The following WASL variants were observed in gnomAD, a reference collection of about 807,000 sequenced individuals.
WASL encodes the protein actin nucleation-promoting factor WASL.
A neutral mutation model predicts 55.5 loss-of-function variants in WASL; 20 were observed. The observed-to-expected ratio is 0.36, with a 90% CI of 0.25 to 0.52. WASL has a LOEUF of 0.52. WASL is among the 20% of genes least tolerant of loss of function. WASL has a pLI of 0.92. For missense variants in WASL, 504 were observed against 622.5 expected, an observed-to-expected ratio of 0.81 and a Z score of 2.03; for synonymous variants, 249 against 217.6, an observed-to-expected ratio of 1.14 and a Z score of -1.27.
At chr7:123,727,125 C>A (rs905918838) in intron 1 of WASL, among the ~76,000 whole-genome samples, 5 of 152,046 alleles carry the variant, frequency 3.3e-5, no homozygotes, top group Non-Finnish European at 4.4e-5. Flanking sequence ...AAAAGCCACA[C>A]TGAGATGCCA....
intron 5 of WASL, among the ~76,000 whole-genome samples, chr7:123,697,315 T>A (rs538026142): frequency 6.6e-6 from 1 of 152,270 alleles, no homozygotes; most frequent in South Asian, 2.1e-4. Context: ...GTATAGAATT[T>A]AAAAATTTAA....
chr7:123,732,666 A>G (rs1031811883), intron 1 of WASL, among the ~76,000 whole-genome samples: 1 of 152,184 alleles, frequency 6.6e-6, no homozygotes, highest in Non-Finnish European at 1.5e-5. Flanking sequence ...TAGAAGCAGA[A>G]GGACTACTTC....
intron 5 of WASL, among the ~76,000 whole-genome samples, chr7:123,702,244 C>T (rs887369583): frequency 2.0e-5 from 3 of 152,056 alleles, no homozygotes; most frequent in Middle Eastern, 3.4e-3. Flanking sequence ...TTAATAGAGA[C>T]GGGGTTTCGT....
intron 1 of WASL, among the ~76,000 whole-genome samples, chr7:123,744,802 G>A (rs1804404285): frequency 1.3e-5 from 2 of 152,058 alleles, no homozygotes; most frequent in South Asian, 2.1e-4. Context: ...CTACATGAAA[G>A]GCAACAGATC....
At chr7:123,727,106 A>AAT (rs1168138445) in intron 1 of WASL, among the ~76,000 whole-genome samples, 3 of 152,120 alleles carry the variant, frequency 2.0e-5, no homozygotes, top group Non-Finnish European at 4.4e-5. Flanking sequence ...TCATCAAGGA[A>AAT]ATATAATGAA....
chr7:123,724,508 A>G (rs531733363), intron 1 of WASL, among the ~76,000 whole-genome samples: 4 of 152,176 alleles, frequency 2.6e-5, no homozygotes, highest in Non-Finnish European at 4.4e-5. Context: ...TGAATGACTT[A>G]TAAGTTCCCA....
At chr7:123,704,989 G>A (rs1803645901) in intron 4 of WASL, among the ~76,000 whole-genome samples, 1 of 152,170 alleles carries the variant, frequency 6.6e-6, no homozygotes, top group Non-Finnish European at 1.5e-5. Flanking sequence ...TAGATTTTAT[G>A]TGTATATGAT....
chr7:123,715,286 G>A (rs2116797300), intron 1 of WASL, among the ~76,000 whole-genome samples: 1 of 152,314 alleles, frequency 6.6e-6, no homozygotes, highest in Non-Finnish European at 1.5e-5. Flanking sequence ...CCTTTTGGAA[G>A]TGCTGCCCTA....
intron 1 of WASL, among the ~76,000 whole-genome samples, chr7:123,729,734 T>G (rs1804108094): frequency 6.6e-6 from 1 of 152,190 alleles, no homozygotes; most frequent in Admixed American, 6.5e-5. Flanking sequence ...TTCTGACAGT[T>G]AAATTCAATA....
At chr7:123,698,301 C>T (rs1288183810) in intron 5 of WASL, among the ~76,000 whole-genome samples, 1 of 150,992 alleles carries the variant, frequency 6.6e-6, no homozygotes, top group Non-Finnish European at 1.5e-5. Flanking sequence ...GACTGTTATT[C>T]TTTAATTATG....
chr7:123,739,389 A>C (rs917928507), intron 1 of WASL, among the ~76,000 whole-genome samples: 4 of 152,218 alleles, frequency 2.6e-5, no homozygotes, highest in Non-Finnish European at 4.4e-5. Flanking sequence ...TTCCTGATAT[A>C]AACACTCCCC....
chr7:123,728,692 AT>A (rs894538149), intron 1 of WASL, among the ~76,000 whole-genome samples: 1 of 152,062 alleles, frequency 6.6e-6, no homozygotes, highest in Admixed American at 6.6e-5. Context: ...ATACAAAAAA[AT>A]ATGGTAGTGG....
intron 5 of WASL, among the ~76,000 whole-genome samples, chr7:123,703,443 A>G (rs1346916929): frequency 6.6e-6 from 1 of 152,202 alleles, no homozygotes; most frequent in Admixed American, 6.5e-5. Flanking sequence ...CTTCATCAGA[A>G]TAACTAATAT....
chr7:123,704,248 C>T (rs907687623), intron 5 of WASL, among the ~76,000 whole-genome samples: 2 of 152,220 alleles, frequency 1.3e-5, no homozygotes, highest in Middle Eastern at 3.4e-3. Context: ...TAAAGTAGGA[C>T]ATTAACAAAT....
intron 1 of WASL, among the ~76,000 whole-genome samples, chr7:123,732,215 G>A (rs1006112670): frequency 1.2e-4 from 18 of 152,032 alleles, no homozygotes; most frequent in African/African-American, 3.9e-4. Flanking sequence ...CTGTAGTCCC[G>A]GCTACTCAGA....
chr7:123,706,945 C>G (rs527851756), intron 2 of WASL, 119 bp from the exon 3 acceptor site: 1 of 506,136 alleles, frequency 2.0e-6, no homozygotes, highest in African/African-American at 2.0e-5. Context: ...TTAATGCACA[C>G]ATGTAACATA....
chr7:123,720,855 T>C (rs1180706224), intron 1 of WASL, among the ~76,000 whole-genome samples: 5 of 151,686 alleles, frequency 3.3e-5, no homozygotes, highest in South Asian at 4.2e-4. Context: ...AAATTAAAAA[T>C]TGATTTAAAA....
intron 8 of WASL, among the ~76,000 whole-genome samples, chr7:123,693,204 C>T (rs571518647): frequency 5.8e-4 from 89 of 152,218 alleles, no homozygotes; most frequent in African/African-American, 2.0e-3. Flanking sequence ...TGAAATTAAA[C>T]ATTTTGTTAA....
At chr7:123,708,174 T>C (rs1023343915) in intron 2 of WASL, among the ~76,000 whole-genome samples, 3 of 139,052 alleles carry the variant, frequency 2.2e-5, no homozygotes, top group African/African-American at 7.7e-5. Flanking sequence ...AGCAAGACCC[T>C]GTCTCAAAAC....
Sources: allele counts gnomAD v4.1 joint callset (sites outside exome capture counted in the v4.1 genomes callset), GRCh38; gene constraint gnomAD v4.1.1; transcripts MANE v1.5; gene names NCBI Gene and HGNC (gene_info 2026-07-23, HGNC 2026-07-21).